The following RSPH14 variants were observed in gnomAD, a reference collection of about 807,000 sequenced individuals.
RSPH14 encodes rhabdoid tumor deletion region gene 1.
A neutral mutation model predicts 26.7 loss-of-function variants in RSPH14; 20 were observed. That is an observed-to-expected ratio of 0.75 (90% confidence interval 0.53 to 1.09). The LOEUF (loss-of-function observed/expected upper bound fraction) is 1.09, where lower values mean the gene tolerates loss of function less well. RSPH14 is among the 50% of genes least tolerant of loss of function. The pLI, the probability that RSPH14 is intolerant of heterozygous loss-of-function variation, is 0.00. For missense variants in RSPH14, 449 were observed against 457.2 expected, an observed-to-expected ratio of 0.98 and a Z score of 0.16; for synonymous variants, 177 against 189.3, an observed-to-expected ratio of 0.93 and a Z score of 0.53.
rs192151701 is a variant in RSPH14 at position 23,073,434 on chromosome 22, G to A, written c.422-9301C>T. 1.4e-4 allele frequency among the ~76,000 whole-genome samples: 21 copies of A among 152,326 alleles called. No homozygotes were observed. In the East Asian group the frequency reaches 4.1e-3, roughly 29 times the overall value. On this transcript the variant is annotated intron_variant, in intron 4 of 6. Coordinates refer to ENST00000216036, the MANE Select transcript of RSPH14 (RefSeq NM_014433.3). Reference sequence around the variant, plus strand: ...ACCCAGACTGTTGTGGCTCCGGGGTGGTGAGGTGAGCATTCCAGTCTAGGT... The same window carrying A: ...ACCCAGACTGTTGTGGCTCCGGGGTAGTGAGGTGAGCATTCCAGTCTAGGT...
At chr22:23,098,860 CGGGCCA>C in intron 4 of RSPH14, among the ~76,000 whole-genome samples, 1 of 152,368 alleles carries the variant, frequency 6.6e-6, no homozygotes, top group East Asian at 1.9e-4. Flanking sequence ...CGTCTCCAGC[CGGGCCA>C]GGGCCAGAGC....
intron 4 of RSPH14, among the ~76,000 whole-genome samples, chr22:23,094,098 C>T (rs58182042): frequency 0.11 from 16,026 of 152,150 alleles, 2,694 homozygotes; most frequent in African/African-American, 0.35. Context: ...CTCTCTGCCT[C>T]GGGCCTTCCC....
chr22:23,155,675 T>C, the RSPH14 span, among the ~76,000 whole-genome samples: 13 of 152,364 alleles, frequency 8.5e-5, no homozygotes, highest in African/African-American at 2.6e-4. Flanking sequence ...TCCATTTTAA[T>C]GTCTCAGTCA....
the RSPH14 span, among the ~76,000 whole-genome samples, chr22:23,166,147 TAAAAAAAAAAAA>T: frequency 1.6e-3 from 95 of 59,892 alleles, 1 homozygote; most frequent in East Asian, 0.039. Flanking sequence ...CTCTGTCTTT[TAAAAAAAAAAAA>T]AAAAAAAAAA....
At chr22:23,161,526 C>G in the RSPH14 span, 1 of 1,612,908 alleles carries the variant, frequency 6.2e-7, no homozygotes, top group East Asian at 2.2e-5. Flanking sequence ...GCCCGAGACC[C>G]AGGAGAGCAA....
intron 6 of RSPH14, among the ~76,000 whole-genome samples, chr22:23,060,796 T>C (rs928741310): frequency 5.1e-4 from 77 of 152,292 alleles, no homozygotes; most frequent in African/African-American, 1.8e-3. Flanking sequence ...TCCCAGGGCC[T>C]GGCACGTGGC....
chr22:23,096,099 CA>C, intron 4 of RSPH14: 1 of 1,610,578 alleles, frequency 6.2e-7, no homozygotes. Context: ...TGGGCCGACC[CA>C]GGGGCACAGG....
chr22:23,069,994 T>C (rs2068298843), intron 4 of RSPH14, among the ~76,000 whole-genome samples: 1 of 152,136 alleles, frequency 6.6e-6, no homozygotes, highest in Non-Finnish European at 1.5e-5. Flanking sequence ...GCCAGGACCA[T>C]GGCTGGGCTC....
intron 4 of RSPH14, among the ~76,000 whole-genome samples, chr22:23,104,119 G>A (rs6003507): frequency 0.017 from 2,638 of 152,022 alleles, 81 homozygotes; most frequent in African/African-American, 0.06. Context: ...GGGGAGCAGT[G>A]GGGACAGTCA....
the RSPH14 span, chr22:23,153,550 C>G: frequency 1.0e-6 from 1 of 984,836 alleles, no homozygotes; most frequent in African/African-American, 1.7e-5. Context: ...AAATCCAGTC[C>G]CTGCATGCCA....
At chr22:23,145,941 A>T, upstream of RSPH14, 3 of 982,086 alleles carry the variant, frequency 3.1e-6, no homozygotes, top group Non-Finnish European at 3.6e-6. Context: ...GCCCACCTAG[A>T]GCCTTCGTCC....
the RSPH14 span, among the ~76,000 whole-genome samples, chr22:23,174,926 C>A: frequency 6.6e-6 from 1 of 150,978 alleles, no homozygotes; most frequent in African/African-American, 2.4e-5. Context: ...GAGATCACGC[C>A]ATTGCACTGC....
At chr22:23,138,044 C>T (rs1051413275) in intron 3 of RSPH14, among the ~76,000 whole-genome samples, 1 of 152,138 alleles carries the variant, frequency 6.6e-6, no homozygotes, top group African/African-American at 2.4e-5. Context: ...GAAAAGGACA[C>T]TTCCAGGTGC....
In RSPH14 at chr22:23,140,471, C is replaced by G; in HGVS notation, c.-51G>C. 1 of 1,589,382 alleles carries G rather than the reference C, an allele frequency of 6.3e-7. No individual in the cohort carries two copies. Among genetic ancestry groups the G allele is most frequent in the Non-Finnish European group, 8.6e-7 (1 of 1,166,054 alleles). ...CAAATGAAGCTCTGCAGAAACCACTCACTAAAAGAGACCAAAAAGCTGTCA... is the reference window on the plus strand; with the variant it reads ...CAAATGAAGCTCTGCAGAAACCACTGACTAAAAGAGACCAAAAAGCTGTCA... On this transcript the variant is annotated splice_region_variant and 5_prime_UTR_variant, in exon 2 of 7. Transcript: ENST00000216036.
chr22:23,159,200 TGCACCTG>T, the RSPH14 span: 1 of 1,610,390 alleles, frequency 6.2e-7, no homozygotes, highest in Non-Finnish European at 8.5e-7. Flanking sequence ...GCAGACGCTG[TGCACCTG>T]GCCAGGGAGA....
At chr22:23,068,541 T>C (rs2068263614) in intron 4 of RSPH14, among the ~76,000 whole-genome samples, 1 of 152,202 alleles carries the variant, frequency 6.6e-6, no homozygotes, top group Non-Finnish European at 1.5e-5. Context: ...CTCTCTTACT[T>C]TGAGGTCAAG....
upstream of RSPH14, among the ~76,000 whole-genome samples, chr22:23,149,685 G>A (rs561863210): frequency 6.6e-6 from 1 of 152,288 alleles, no homozygotes; most frequent in South Asian, 2.1e-4. Flanking sequence ...CCACAGGCAT[G>A]TACTACTGCA....
chr22:23,161,024 G>A, the RSPH14 span: 4 of 1,577,544 alleles, frequency 2.5e-6, no homozygotes, highest in Non-Finnish European at 3.5e-6. Context: ...ACTGGGTTGG[G>A]CTGGGGAGTA....
chr22:23,130,843 T>C (rs2070348099), intron 4 of RSPH14, among the ~76,000 whole-genome samples: 1 of 152,202 alleles, frequency 6.6e-6, no homozygotes, highest in Admixed American at 6.5e-5. Flanking sequence ...TGAAACACCA[T>C]AGCACATCCA....
Sources: allele counts gnomAD v4.1 joint callset (sites outside exome capture counted in the v4.1 genomes callset), GRCh38; gene constraint gnomAD v4.1.1; transcripts MANE v1.5; gene names NCBI Gene and HGNC (gene_info 2026-07-23, HGNC 2026-07-21).